The following CLN6 variants were observed in gnomAD, a reference collection of about 807,000 sequenced individuals.
CLN6 encodes ceroid-lipofuscinosis neuronal protein 6.
Under a neutral mutation model 33.3 loss-of-function variants are expected in CLN6, and 22 were observed. The ratio of observed to expected loss-of-function variants is 0.66; its 90% CI spans 0.47 to 0.94. The LOEUF (loss-of-function observed/expected upper bound fraction) is 0.94, where lower values mean the gene tolerates loss of function less well. Ranked by LOEUF, CLN6 falls within the 40% of genes least tolerant of loss-of-function variation. CLN6 has a pLI of 0.00. For synonymous variants in CLN6, 201 were observed against 174.6 expected, an observed-to-expected ratio of 1.15 and a Z score of -1.19; for missense variants, 387 against 417.1, an observed-to-expected ratio of 0.93 and a Z score of 0.63.
rs2093188356 is a variant in CLN6, at chr15:68,207,065, C to T, written c.*1075G>A. ...GGCTGGGGGCTGACACATCCCTGGG[C>T]ACCACTGTGACTTCCTGTGGGTCCC... On this transcript the variant is annotated 3_prime_UTR_variant, in exon 7 of 7. Coordinates refer to ENST00000249806, the MANE Select transcript of CLN6 (RefSeq NM_017882.3). 1.3e-5 allele frequency: 2 copies of T among 152,306 alleles called. No individual in the cohort carries two copies. Among genetic ancestry groups the T allele is most frequent in the Admixed American group, 6.5e-5 (1 of 15,286 alleles). 9.4% of individuals were successfully genotyped at this position (152,306 alleles called of 1,614,324 possible).
At chr15:68,244,990 G>A (rs1050083542) in intron 1 of CLN6, among the ~76,000 whole-genome samples, 24 of 130,152 alleles carry the variant, frequency 1.8e-4, no homozygotes, top group Non-Finnish European at 3.4e-4. Flanking sequence ...AGGAGCTATT[G>A]TACCATTGCA....
rs139605672 is a variant in CLN6, at chr15:68,250,823, C to T, written c.179+5867G>A. On this transcript the variant is annotated intron_variant, in intron 1 of 6. Coordinates refer to the CLN6 transcript ENST00000538696. ...TACAGTTTCTATTGAATGTGAACTA[C>T]TTTCAAATCACCATAAAGTAAAAAA... Among the ~76,000 whole-genome samples the T allele has an allele frequency of 1.8e-4, 27 of 152,196 alleles. No homozygotes were observed. The East Asian group carries it at 4.8e-3, about 27-fold the overall frequency.
chr15:68,245,489 G>A (rs1028447564), intron 1 of CLN6, among the ~76,000 whole-genome samples: 5 of 151,950 alleles, frequency 3.3e-5, no homozygotes, highest in South Asian at 2.1e-4. Flanking sequence ...CACCTGAGTC[G>A]AGGGAAGTTG....
At chr15:68,212,643 TG>T (rs2093209466) in intron 3 of CLN6, 1 of 152,680 alleles carries the variant, frequency 6.5e-6, no homozygotes, top group Non-Finnish European at 1.5e-5. Flanking sequence ...CCAGAGTAGC[TG>T]GAACTACAGG....
intron 1 of CLN6, among the ~76,000 whole-genome samples, chr15:68,243,442 G>C (rs1435250423): frequency 6.6e-6 from 1 of 152,136 alleles, no homozygotes; most frequent in Non-Finnish European, 1.5e-5. Context: ...AGACTGGATA[G>C]ATATAAAATT....
intron 1 of CLN6, among the ~76,000 whole-genome samples, chr15:68,222,934 C>A (rs1008557928): frequency 6.6e-6 from 1 of 152,036 alleles, no homozygotes; most frequent in Non-Finnish European, 1.5e-5. Context: ...GCAGCATGCT[C>A]GTTAAGAGTC....
chr15:68,214,305 G>C lies in CLN6; in HGVS notation c.282C>G (p.Pro94=). ...GGGACAGTACCTTGAGCAAGAGAAA[G>C]GGCGTGATGACGTTGTAGGCCATGT... The part of the protein sequence containing the change: ...YFHMAYNVIT[P]FLLLKLIERS... The change falls in exon 3 of 7, where the codon CCC becomes CCG. Residue 94 remains proline, a synonymous_variant. Coordinates refer to ENST00000249806, the MANE Select transcript of CLN6 (RefSeq NM_017882.3). 6.2e-7 allele frequency: 1 copy of C among 1,613,556 alleles called. No individual in the cohort carries two copies. Among genetic ancestry groups the C allele is most frequent in the Non-Finnish European group, 8.5e-7 (1 of 1,179,446 alleles).
At chr15:68,229,726 CAGGCGGGGCTGCGGACCCG>C in exon 1 of CLN6, 1 of 486,390 alleles carries the variant, frequency 2.1e-6, no homozygotes, top group Non-Finnish European at 3.1e-6. Context: ...TCGGGAGGAA[CAGGCGGGGCTGCGGACCCG>C]GGGCGGGGCG....
rs1304088234 is a variant in CLN6 at position 68,227,930 on chromosome 15, AGAG to A, written c.83+1569_83+1571del. On this transcript the variant is annotated intron_variant, in intron 1 of 6. Coordinates refer to ENST00000249806, the MANE Select transcript of CLN6 (RefSeq NM_017882.3). The surrounding 1 kb of genome is among the most constrained non-coding windows in gnomAD (Gnocchi z 4.1). ...CCCCAACTTGGCAAGGATTCGGAAC[AGAG>A]ACATCCCGCAGGCAGAAGAGGCTGC... Among the ~76,000 whole-genome samples, 1 of 152,188 alleles carries A rather than the reference AGAG, an allele frequency of 6.6e-6. No homozygotes were observed. The highest frequency in any genetic ancestry group is 6.5e-5 in the Admixed American group (1 of 15,292).
chr15:68,228,593 C>T lies in CLN6; in HGVS notation c.83+909G>A, dbSNP rs1390711460. Among the ~76,000 whole-genome samples, 1 of 152,184 alleles carries T rather than the reference C, an allele frequency of 6.6e-6. No individual in the cohort carries two copies. Among genetic ancestry groups the T allele is most frequent in the African/African-American group, 2.4e-5 (1 of 41,452 alleles). ...GCCGGAAAGCTCCAGCACCACTAAACTCCTTGCCCTTCCCCACTGTTTCCC... is the reference window on the plus strand; with the variant it reads ...GCCGGAAAGCTCCAGCACCACTAAATTCCTTGCCCTTCCCCACTGTTTCCC... On this transcript the variant is annotated intron_variant, in intron 1 of 6. Coordinates refer to ENST00000249806, the MANE Select transcript of CLN6 (RefSeq NM_017882.3). This position sits in a 1 kb window ranked among gnomAD's most constrained non-coding sequence, Gnocchi z 4.4.
In CLN6 at chr15:68,241,189, C is replaced by T. The variant is rs1892277566; in HGVS notation, c.179+15501G>A. ...ACTTATCAAAGCTGCATCAAGAAAG[C>T]CTGGAGACTTCCAGTCCAAAACTGG... On this transcript the variant is annotated intron_variant, in intron 1 of 6. Coordinates refer to the CLN6 transcript ENST00000538696. The surrounding 1 kb of genome is among the most constrained non-coding windows in gnomAD (Gnocchi z 4.2). Among the ~76,000 whole-genome samples, 1 of 152,112 alleles carries T rather than the reference C, an allele frequency of 6.6e-6. No homozygotes were observed. The highest frequency in any genetic ancestry group is 1.5e-5 in the Non-Finnish European group (1 of 68,004).
intron 1 of CLN6, among the ~76,000 whole-genome samples, chr15:68,222,293 C>T (rs1441695078): frequency 5.0e-5 from 7 of 140,694 alleles, no homozygotes; most frequent in Non-Finnish European, 1.1e-4. Context: ...GGCCGCCACC[C>T]CGTCTAGGAA....
rs532732140 is a variant in CLN6, at chr15:68,208,776, G to A, written c.666-366C>T. Among the ~76,000 whole-genome samples the A allele has an allele frequency of 1.1e-3, 173 of 152,338 alleles. 2 individuals carry two copies. The highest frequency in any genetic ancestry group is 4.1e-3 in the African/African-American group (169 of 41,570). On this transcript the variant is annotated intron_variant, in intron 6 of 6. Transcript: ENST00000249806. This position sits in a 1 kb window ranked among gnomAD's most constrained non-coding sequence, Gnocchi z 5.8. Reference sequence around the variant, plus strand: ...GCAGCCACCCCCGCGGCAGGATGCCGGGGTAAGAACCAGCAGGAAGCGCTC... The same window carrying A: ...GCAGCCACCCCCGCGGCAGGATGCCAGGGTAAGAACCAGCAGGAAGCGCTC...
Position 68,209,735 on chromosome 15 carries a change from G to A in CLN6, c.567C>T (p.Leu189=), listed in dbSNP as rs762214934. The change falls in exon 6 of 7, where the codon CTC becomes CTT. Residue 189 remains leucine, a synonymous_variant. Coordinates refer to ENST00000249806, the MANE Select transcript of CLN6 (RefSeq NM_017882.3). This position sits in a 1 kb window ranked among gnomAD's most constrained non-coding sequence, Gnocchi z 4.9. ...TAAAGCAGCCGCTGAAGTACATGAA[G>A]AGGATGAGGAAGAAGGGGATGTACC... The part of the protein sequence containing the change: ...CMWYIPFFLI[L]FMYFSGCFTA... 6.2e-7 allele frequency: 1 copy of A among 1,613,742 alleles called. No individual in the cohort carries two copies. Among genetic ancestry groups the A allele is most frequent in the South Asian group, 1.1e-5 (1 of 91,040 alleles).
rs1438937273 is a variant in CLN6 at position 68,209,071 on chromosome 15, G to T, written c.665+566C>A. On this transcript the variant is annotated intron_variant, in intron 6 of 6. Transcript: ENST00000249806. This position sits in a 1 kb window ranked among gnomAD's most constrained non-coding sequence, Gnocchi z 4.9. Reference sequence around the variant, plus strand: ...GGGCAGAAGTGACAGACGAGGGCTAGGAGACTGGCTGAGGCCTAAGTCCTC... The same window carrying T: ...GGGCAGAAGTGACAGACGAGGGCTATGAGACTGGCTGAGGCCTAAGTCCTC... Among the ~76,000 whole-genome samples, 1 of 152,208 alleles carries T rather than the reference G, an allele frequency of 6.6e-6. No individual in the cohort carries two copies. Among genetic ancestry groups the T allele is most frequent in the Non-Finnish European group, 1.5e-5 (1 of 68,028 alleles).
At position 68,211,096 on chromosome 15, in the gene CLN6, G is replaced by A. The variant is rs1260190129; in HGVS notation, c.542+167C>T. ...GCAGCTGGGTCTCCCGGGCAACCTC[G>A]GGGACAACTTCACTGGAGGTTGAGC... On this transcript the variant is annotated intron_variant, in intron 5 of 6. Coordinates refer to ENST00000249806, the MANE Select transcript of CLN6 (RefSeq NM_017882.3). This position sits in a 1 kb window ranked among gnomAD's most constrained non-coding sequence, Gnocchi z 5.9. Among the ~76,000 whole-genome samples, 2 of 151,706 alleles carry A rather than the reference G, an allele frequency of 1.3e-5. No homozygotes were observed. Among genetic ancestry groups the A allele is most frequent in the Non-Finnish European group, 2.9e-5 (2 of 68,020 alleles).
chr15:68,250,790 C>T (rs8038170), intron 1 of CLN6, among the ~76,000 whole-genome samples: 72,125 of 151,904 alleles, frequency 0.47, 17,917 homozygotes, highest in Non-Finnish European at 0.55. Flanking sequence ...AAAATTCAGG[C>T]TTTGAAGTAC....
At chr15:68,223,657 C>A (rs999703628) in intron 1 of CLN6, among the ~76,000 whole-genome samples, 1 of 152,000 alleles carries the variant, frequency 6.6e-6, no homozygotes, top group Non-Finnish European at 1.5e-5. Flanking sequence ...ACACTAGAGG[C>A]TCAGTGACTA....
intron 3 of CLN6, 47 bp downstream of exon 3, chr15:68,214,231 CCTGCCAGGTGTG>C (rs1380532597): frequency 7.7e-7 from 1 of 1,300,538 alleles, no homozygotes; most frequent in African/African-American, 1.5e-5. Flanking sequence ...GCATCACCTT[CCTGCCAGGTGTG>C]CAAAGAATGG....
Sources: allele counts gnomAD v4.1 joint callset (sites outside exome capture counted in the v4.1 genomes callset), GRCh38; gene constraint gnomAD v4.1.1; non-coding constraint Gnocchi (gnomAD v3.1); transcripts MANE v1.5; gene names NCBI Gene and HGNC (gene_info 2026-07-23, HGNC 2026-07-21).